The following TTC39B variants were observed in gnomAD, a reference collection of about 807,000 sequenced individuals.
TTC39B encodes tetratricopeptide repeat protein 39B.
A neutral mutation model predicts 96.6 loss-of-function variants in TTC39B; 92 were observed. That is an observed-to-expected ratio of 0.95 (90% CI 0.80 to 1.13). The LOEUF (loss-of-function observed/expected upper bound fraction) is 1.13. Ranked by LOEUF, TTC39B falls within the 50% of genes most tolerant of loss-of-function variation. The pLI, the probability that TTC39B is intolerant of heterozygous loss-of-function variation, is 0.00. For synonymous variants in TTC39B, 367 were observed against 299.4 expected (o/e 1.23, Z -2.33); for missense variants, 955 against 809.3 (o/e 1.18, Z -2.18).
intron 2 of TTC39B, chr9:15,249,774 T>C: frequency 1.8e-6 from 1 of 555,686 alleles, no homozygotes; most frequent in Non-Finnish European, 2.5e-6. Flanking sequence ...GACAATGTCA[T>C]CTAACAAAAA....
At chr9:15,269,065 T>C (rs749767839) in intron 1 of TTC39B, among the ~76,000 whole-genome samples, 3 of 152,198 alleles carry the variant, frequency 2.0e-5, no homozygotes, top group Non-Finnish European at 4.4e-5. Context: ...CCCTTTCTTA[T>C]AATGTCCTTT....
rs555088887 is a variant in TTC39B at position 15,248,191 on chromosome 9, C to G, written c.275+19723G>C. Among the ~76,000 whole-genome samples the G allele has an allele frequency of 5.9e-5, 9 of 152,304 alleles. No individual in the cohort carries two copies. In the South Asian group the frequency reaches 1.7e-3, roughly 28 times the overall value. ...GGAAATTGATGACAGAACATTCTAACATAGCCAATTTCCCTTCCTCTTCCA... is the reference window on the plus strand; with the variant it reads ...GGAAATTGATGACAGAACATTCTAAGATAGCCAATTTCCCTTCCTCTTCCA... On this transcript the variant is annotated intron_variant, in intron 2 of 19. Coordinates refer to ENST00000512701, the Ensembl canonical transcript of TTC39B.
chr9:15,269,571 T>C (rs1454427764), intron 1 of TTC39B, among the ~76,000 whole-genome samples: 1 of 152,106 alleles, frequency 6.6e-6, no homozygotes, highest in Non-Finnish European at 1.5e-5. Context: ...AAGAAGAACC[T>C]GGCCAGGCGC....
chr9:15,249,894 G>A lies in TTC39B; in HGVS notation c.275+18020C>T, dbSNP rs183090863. On this transcript the variant is annotated intron_variant, in intron 2 of 19. Transcript: ENST00000512701. Reference sequence around the variant, plus strand: ...CATTTGAATCATAAACCCAGGAACTGCTAAATAAATATGACATACTCACAG... The same window carrying A: ...CATTTGAATCATAAACCCAGGAACTACTAAATAAATATGACATACTCACAG... The A allele has an allele frequency of 1.2e-4, 147 of 1,245,960 alleles. 1 individual carries two copies. The African/African-American group carries it at 1.7e-3, about 15-fold the overall frequency. The allele number at this position is 1,245,960 out of a possible 1,614,324, so 77.2% of individuals were successfully genotyped here.
At chr9:15,295,556 A>G (rs1243500558) in intron 1 of TTC39B, among the ~76,000 whole-genome samples, 1 of 152,236 alleles carries the variant, frequency 6.6e-6, no homozygotes, top group Non-Finnish European at 1.5e-5. Context: ...TAAGGTAAAA[A>G]TATATTTCAA....
intron 7 of TTC39B, among the ~76,000 whole-genome samples, chr9:15,201,865 A>G (rs1391194694): frequency 6.6e-6 from 1 of 152,158 alleles, no homozygotes; most frequent in Non-Finnish European, 1.5e-5. Context: ...AATCAATCAG[A>G]GCTACTGAAT....
intron 1 of TTC39B, among the ~76,000 whole-genome samples, chr9:15,275,710 A>C (rs1314855805): frequency 3.3e-5 from 5 of 152,140 alleles, no homozygotes; most frequent in Non-Finnish European, 5.9e-5. Context: ...GGAAATGTAT[A>C]AGGTAAGGCC....
chr9:15,203,729 G>A, intron 7 of TTC39B, 94 bp downstream of exon 7: 2 of 1,006,380 alleles, frequency 2.0e-6, no homozygotes, highest in Middle Eastern at 2.1e-4. Flanking sequence ...TAAGTCAAAA[G>A]AACTGAAGCT....
chr9:15,205,970 T>C (rs1819826744), intron 6 of TTC39B, among the ~76,000 whole-genome samples: 1 of 152,124 alleles, frequency 6.6e-6, no homozygotes, highest in African/African-American at 2.4e-5. Flanking sequence ...CCTTGAATGT[T>C]AGAGTCTGCA....
chr9:15,226,136 T>A lies in TTC39B; in HGVS notation c.276-124A>T, dbSNP rs58177069. The A allele has an allele frequency of 7.7e-3, 5,477 of 708,142 alleles. 224 individuals are homozygous for A. In the African/African-American group the frequency reaches 0.088, roughly 11 times the overall value. The allele number at this position is 708,142 out of a possible 1,614,324, so 43.9% of individuals were successfully genotyped here. On this transcript the variant is annotated intron_variant, in intron 2 of 19. Transcript: ENST00000512701. ...TTATACATCTTACCTCCATTTCTTA[T>A]CAATTTTAAAAATCAAGTAACAAAA...
intron 2 of TTC39B, among the ~76,000 whole-genome samples, chr9:15,261,468 C>T (rs1194820120): frequency 2.1e-5 from 2 of 93,072 alleles, no homozygotes; most frequent in East Asian, 4.6e-4. Context: ...GAGTGAGATC[C>T]TATCAAAAAA....
chr9:15,301,616 C>T (rs1158962473), intron 1 of TTC39B, among the ~76,000 whole-genome samples: 1 of 151,810 alleles, frequency 6.6e-6, no homozygotes, highest in African/African-American at 2.4e-5. Context: ...ATTGGATGGT[C>T]GTGGTGGTGC....
In TTC39B at chr9:15,220,868, C is replaced by A. The variant is rs141360695; in HGVS notation, c.371+5049G>T. Among the ~76,000 whole-genome samples the A allele has an allele frequency of 3.9e-3, 596 of 152,240 alleles. 5 individuals are homozygous for A. Among genetic ancestry groups the A allele is most frequent in the African/African-American group, 0.013 (542 of 41,550 alleles). On this transcript the variant is annotated intron_variant, in intron 3 of 19. Coordinates refer to ENST00000512701, the Ensembl canonical transcript of TTC39B. ...CAGGCTACACATTTTGGGCAAGAGTCTACAGCCACATCACCCTGAACACAC... is the reference window on the plus strand; with the variant it reads ...CAGGCTACACATTTTGGGCAAGAGTATACAGCCACATCACCCTGAACACAC...
chr9:15,209,433 AT>A (rs1820061821), intron 6 of TTC39B, among the ~76,000 whole-genome samples: 1 of 152,230 alleles, frequency 6.6e-6, no homozygotes, highest in African/African-American at 2.4e-5. Context: ...TTTAAAAGAT[AT>A]CAAAATTACT....
intron 3 of TTC39B, among the ~76,000 whole-genome samples, chr9:15,215,948 C>T (rs560707547): frequency 6.6e-6 from 1 of 152,308 alleles, no homozygotes; most frequent in Non-Finnish European, 1.5e-5. Flanking sequence ...ATCCCACCAA[C>T]CTCTTCAATT....
chr9:15,301,649 G>A (rs565538984), intron 1 of TTC39B, among the ~76,000 whole-genome samples: 4 of 152,026 alleles, frequency 2.6e-5, no homozygotes, highest in South Asian at 2.1e-4. Context: ...CCAGCTACTC[G>A]GGAGACTGAG....
At chr9:15,169,579 C>A (rs1245651067) in exon 20 of TTC39B, 3 of 152,128 alleles carry the variant, frequency 2.0e-5, no homozygotes, top group Non-Finnish European at 4.4e-5. Context: ...TCACAGAACA[C>A]CCTAATGACT....
chr9:15,236,545 T>C (rs1205453111), intron 2 of TTC39B, among the ~76,000 whole-genome samples: 2 of 152,204 alleles, frequency 1.3e-5, no homozygotes, highest in Non-Finnish European at 2.9e-5. Context: ...GCATGGAACA[T>C]TCTCCAGAAT....
At chr9:15,172,462 T>C (rs1002475810) in intron 19 of TTC39B, among the ~76,000 whole-genome samples, 12 of 152,114 alleles carry the variant, frequency 7.9e-5, no homozygotes, top group African/African-American at 2.9e-4. Flanking sequence ...TTGGAAAATT[T>C]TAAGGTAGGT....
Sources: allele counts gnomAD v4.1 joint callset (sites outside exome capture counted in the v4.1 genomes callset), GRCh38; gene constraint gnomAD v4.1.1; transcripts MANE v1.5; gene names NCBI Gene and HGNC (gene_info 2026-07-23, HGNC 2026-07-21).